Variants in ZCWPW2 observed in about 807,000 individuals in gnomAD.
ZCWPW2 encodes the protein zinc finger CW-type PWWP domain protein 2.
ZCWPW2 carries 45 observed loss-of-function variants against 46.6 expected under a neutral mutation model. The observed-to-expected ratio is 0.96, with a 90% CI of 0.76 to 1.24. The LOEUF (loss-of-function observed/expected upper bound fraction) is 1.24, where lower values mean the gene tolerates loss of function less well. ZCWPW2 is among the 50% of genes most tolerant of loss of function. The probability of loss-of-function intolerance (pLI) is 0.00; values close to 1 mark genes in which losing one functional copy is unlikely to be tolerated. For missense variants in ZCWPW2, 429 were observed against 403.9 expected (o/e 1.06, Z -0.53); for synonymous variants, 152 against 137.1 (o/e 1.11, Z -0.76).
chr3:28,407,687 G>T (rs1332168236), intron 2 of ZCWPW2, among the ~76,000 whole-genome samples: 2 of 151,842 alleles, frequency 1.3e-5, no homozygotes, highest in Non-Finnish European at 2.9e-5. Context: ...GCCATTCTGT[G>T]TTTTCTATTT....
At chr3:28,517,291 A>G (rs1403884234) in intron 8 of ZCWPW2, among the ~76,000 whole-genome samples, 1 of 152,206 alleles carries the variant, frequency 6.6e-6, no homozygotes, top group Non-Finnish European at 1.5e-5. Context: ...AAGAAATACC[A>G]AAGACTGGGT....
chr3:28,420,060 T>A (rs1013857049), intron 3 of ZCWPW2, among the ~76,000 whole-genome samples: 15 of 147,058 alleles, frequency 1.0e-4, no homozygotes, highest in African/African-American at 1.7e-4. Flanking sequence ...TGTACCCTAA[T>A]ACCGAAAGTA....
intron 3 of ZCWPW2, among the ~76,000 whole-genome samples, chr3:28,426,979 G>A (rs138598752): frequency 1.2e-3 from 182 of 152,300 alleles, no homozygotes; most frequent in Non-Finnish European, 2.2e-3. Context: ...TGATACATTT[G>A]CATTCCCTTG....
intron 1 of ZCWPW2, among the ~76,000 whole-genome samples, chr3:28,386,811 G>T (rs1295575946): frequency 6.6e-6 from 1 of 151,926 alleles, no homozygotes; most frequent in Admixed American, 6.6e-5. Flanking sequence ...CTCTTTTATT[G>T]TTGGCTCTTC....
In ZCWPW2 at chr3:28,457,936, TAA is replaced by T. The variant is rs552278044; in HGVS notation, c.493-20877_493-20876del. Among the ~76,000 whole-genome samples, 246 of 152,352 alleles carry T rather than the reference TAA, an allele frequency of 1.6e-3. 3 individuals carry two copies. The highest frequency in any genetic ancestry group is 5.6e-3 in the African/African-American group (231 of 41,596). ...TTAAATGTACAGTTCATTGGTGATT[TAA>T]GTTTTTAACTATGATTAATTGTCCT... On this transcript the variant is annotated intron_variant, in intron 4 of 9. Transcript: ENST00000383768.
At chr3:28,382,311 C>T (rs1346979459) in intron 1 of ZCWPW2, among the ~76,000 whole-genome samples, 1 of 152,026 alleles carries the variant, frequency 6.6e-6, no homozygotes, top group Admixed American at 6.6e-5. Context: ...CTCTTTTTGG[C>T]TTGTAGATGG....
chr3:28,405,944 A>G (rs1344904328), intron 2 of ZCWPW2, among the ~76,000 whole-genome samples: 1 of 152,232 alleles, frequency 6.6e-6, no homozygotes, highest in Non-Finnish European at 1.5e-5. Context: ...TGGAAATAGG[A>G]ACATATCATA....
At chr3:28,447,778 T>A in intron 4 of ZCWPW2, 1 of 758,024 alleles carries the variant, frequency 1.3e-6, no homozygotes, top group South Asian at 1.3e-5. Context: ...CAACCACTAA[T>A]AAAACTAGGC....
chr3:28,461,831 AG>A (rs34011595), intron 4 of ZCWPW2: 7 of 152,210 alleles, frequency 4.6e-5, no homozygotes, highest in Non-Finnish European at 8.8e-5. Context: ...TAGAAAAATT[AG>A]GGGAAAACAA....
At chr3:28,459,843 T>C (rs183696334) in intron 4 of ZCWPW2, among the ~76,000 whole-genome samples, 290 of 152,096 alleles carry the variant, frequency 1.9e-3, no homozygotes, top group African/African-American at 6.6e-3. Flanking sequence ...GGGGCTTCTT[T>C]AAAAAAAATT....
At chr3:28,403,190 C>T (rs956468754) in intron 2 of ZCWPW2, among the ~76,000 whole-genome samples, 5 of 152,070 alleles carry the variant, frequency 3.3e-5, no homozygotes, top group Non-Finnish European at 7.4e-5. Flanking sequence ...GATAAAATAA[C>T]TCAGCTAAGT....
At chr3:28,383,554 A>AAC (rs1476646560) in intron 1 of ZCWPW2, among the ~76,000 whole-genome samples, 41 of 151,930 alleles carry the variant, frequency 2.7e-4, no homozygotes, top group African/African-American at 9.9e-4. Flanking sequence ...CTATTAGGGT[A>AAC]TATTTTTTTT....
At position 28,355,851 on chromosome 3, in the gene ZCWPW2, A is replaced by G. The variant is rs185833934; in HGVS notation, c.-134+6648A>G. On this transcript the variant is annotated intron_variant, in intron 1 of 9. Coordinates refer to ENST00000383768, the MANE Select transcript of ZCWPW2 (RefSeq NM_001040432.4). Reference sequence around the variant, plus strand: ...TACACCTTGTACAAAAATTAATTCAAGATGGATTAAAGGTTTAAATGTCAG... The same window carrying G: ...TACACCTTGTACAAAAATTAATTCAGGATGGATTAAAGGTTTAAATGTCAG... Among the ~76,000 whole-genome samples the G allele has an allele frequency of 3.0e-4, 45 of 152,396 alleles. No homozygotes were observed. In the East Asian group the frequency reaches 4.6e-3, roughly 16 times the overall value.
At chr3:28,453,002 G>A (rs1185148121) in intron 4 of ZCWPW2, among the ~76,000 whole-genome samples, 1 of 152,140 alleles carries the variant, frequency 6.6e-6, no homozygotes, top group Non-Finnish European at 1.5e-5. Context: ...TGAGACCATT[G>A]CTGCAATGTT....
At chr3:28,518,693 A>G (rs1395446078) in intron 8 of ZCWPW2, among the ~76,000 whole-genome samples, 1 of 152,244 alleles carries the variant, frequency 6.6e-6, no homozygotes, top group Non-Finnish European at 1.5e-5. Flanking sequence ...TTTTAGCCTG[A>G]CATTAGAAAT....
chr3:28,428,453 TCCA>T, intron 3 of ZCWPW2: 1 of 152,316 alleles, frequency 6.6e-6, no homozygotes, highest in African/African-American at 2.4e-5. Context: ...ATTCTCACAT[TCCA>T]CCATCTCTGT....
At chr3:28,363,689 A>G (rs1418078555) in intron 1 of ZCWPW2, among the ~76,000 whole-genome samples, 1 of 152,122 alleles carries the variant, frequency 6.6e-6, no homozygotes, top group Non-Finnish European at 1.5e-5. Flanking sequence ...GTCACCCCAG[A>G]GATAGGTACC....
intron 4 of ZCWPW2, chr3:28,447,692 A>T: frequency 2.2e-6 from 1 of 461,886 alleles, no homozygotes; most frequent in South Asian, 2.3e-5. Context: ...AAAGATATCT[A>T]GCTTCCACGA....
In ZCWPW2 at chr3:28,365,372, C is replaced by G. The variant is rs1356978324; in HGVS notation, c.-134+16169C>G. 1.4e-5 allele frequency among the ~76,000 whole-genome samples: 2 copies of G among 141,250 alleles called. 1 individual carries two copies. The highest frequency in any genetic ancestry group is 3.2e-5 in the Non-Finnish European group (2 of 63,094). 92.7% of individuals were successfully genotyped at this position (141,250 alleles called of 152,430 possible). A position where few individuals can be genotyped will look rare whatever the true frequency, so the allele number is the denominator to read the frequency against. On this transcript the variant is annotated intron_variant, in intron 1 of 9. Transcript: ENST00000383768. ...GTTTCAGCTTTTACATATGGCTAGC[C>G]AGTTTTCCCAGCACCATTTATTAAA... is the stretch of plus-strand genomic sequence containing the variant.
Sources: allele counts gnomAD v4.1 joint callset (sites outside exome capture counted in the v4.1 genomes callset), GRCh38; gene constraint gnomAD v4.1.1; transcripts MANE v1.5; gene names NCBI Gene and HGNC (gene_info 2026-07-23, HGNC 2026-07-21).